LIM2: variants seen among roughly 807,000 people sequenced by gnomAD.
LIM2 encodes lens fiber membrane intrinsic protein.
Under a neutral mutation model 19.0 loss-of-function variants are expected in LIM2, and 14 were observed. The observed-to-expected ratio is 0.74, with a 90% CI of 0.49 to 1.15. LIM2 has a LOEUF of 1.15. LIM2 is among the 50% of genes most tolerant of loss of function. LIM2 has a pLI of 0.00. For synonymous variants in LIM2, 78 were observed against 89.6 expected, an observed-to-expected ratio of 0.87 and a Z score of 0.73; for missense variants, 230 against 243.5, an observed-to-expected ratio of 0.94 and a Z score of 0.37.
intron 2 of LIM2, 91 bp from the exon 3 acceptor site, chr19:51,382,658 C>G: frequency 1.3e-6 from 2 of 1,548,834 alleles, no homozygotes; most frequent in Non-Finnish European, 1.8e-6. Context: ...TTGCCCCTTT[C>G]CATATCCCTA....
At chr19:51,384,464 G>C (rs1046562564) in intron 2 of LIM2, among the ~76,000 whole-genome samples, 1 of 152,052 alleles carries the variant, frequency 6.6e-6, no homozygotes, top group Non-Finnish European at 1.5e-5. Flanking sequence ...AAAGACTGCC[G>C]TCCTTATAAA....
At position 51,380,023 on chromosome 19, in the gene LIM2, C is replaced by T; in HGVS notation, c.*178G>A. 1 of 651,788 alleles carries T rather than the reference C, an allele frequency of 1.5e-6. No homozygotes were observed. The allele number at this position is 651,788 out of a possible 1,614,324, so 40.4% of individuals were successfully genotyped here. On this transcript the variant is annotated 3_prime_UTR_variant, in exon 5 of 5. Transcript: ENST00000596399. ...AGTCTTCTCAGCTCCCTCCCATGGGCCCTATTCTTCCTCCTTCCAGCCTAG... is the reference window on the plus strand; with the variant it reads ...AGTCTTCTCAGCTCCCTCCCATGGGTCCTATTCTTCCTCCTTCCAGCCTAG...
At chr19:51,382,884 T>C (rs753801710) in intron 2 of LIM2, among the ~76,000 whole-genome samples, 1 of 152,102 alleles carries the variant, frequency 6.6e-6, no homozygotes, top group African/African-American at 2.4e-5. Context: ...GGGTTGGTTC[T>C]GTGTCATAAA....
chr19:51,387,808 G>A (rs927575567), intron 1 of LIM2, 111 bp downstream of exon 1: 1 of 323,066 alleles, frequency 3.1e-6, no homozygotes, highest in African/African-American at 2.1e-5. Flanking sequence ...GTAAGGAAGG[G>A]GCTAGGGGCT....
chr19:51,387,031 A>C, intron 2 of LIM2: 1 of 749,178 alleles, frequency 1.3e-6, no homozygotes, highest in South Asian at 1.5e-5. Flanking sequence ...ACACCTCTGA[A>C]GCGTCAGGAA....
chr19:51,380,460 C>T (rs1407127266), intron 4 of LIM2, 45 bp downstream of exon 4: 1 of 1,613,080 alleles, frequency 6.2e-7, no homozygotes, highest in East Asian at 2.2e-5. Context: ...ATCTGCTGCC[C>T]ACTCTGCCCC....
intron 2 of LIM2, among the ~76,000 whole-genome samples, chr19:51,383,027 CTTTTTTTTTT>C (rs1163859181): frequency 0.022 from 1,934 of 88,368 alleles, 42 homozygotes; most frequent in African/African-American, 0.081. Context: ...TTTTTCTTTT[CTTTTTTTTTT>C]TTTTTTTTTT....
chr19:51,385,507 G>A (rs1987014676), intron 2 of LIM2, among the ~76,000 whole-genome samples: 1 of 152,058 alleles, frequency 6.6e-6, no homozygotes, highest in African/African-American at 2.4e-5. Context: ...GGGTGACAGA[G>A]CGAGACTCTG....
chr19:51,387,034 G>A (rs546079763), intron 2 of LIM2: 18 of 760,750 alleles, frequency 2.4e-5, no homozygotes, highest in South Asian at 2.9e-5. Context: ...CCTCTGAAGC[G>A]TCAGGAAATG....
intron 2 of LIM2, among the ~76,000 whole-genome samples, chr19:51,383,785 G>A (rs1666039213): frequency 6.6e-6 from 1 of 152,154 alleles, no homozygotes; most frequent in African/African-American, 2.4e-5. Context: ...TTAGAAACAG[G>A]GCTGGAGTCA....
At chr19:51,384,905 C>T (rs1986992620) in intron 2 of LIM2, among the ~76,000 whole-genome samples, 1 of 152,110 alleles carries the variant, frequency 6.6e-6, no homozygotes, top group Non-Finnish European at 1.5e-5. Flanking sequence ...CTCTGTCACC[C>T]AGGCTGGAGT....
chr19:51,380,167 A>C lies in LIM2; in HGVS notation c.*34T>G. On this transcript the variant is annotated 3_prime_UTR_variant, in exon 5 of 5. Transcript: ENST00000596399. ...TCCTCCTCTTCAGTGGCCTCACTTT[A>C]ACTTCCAGATGAAGTTGGGGGACAC... is the stretch of plus-strand genomic sequence containing the variant. 1 of 1,607,784 alleles carries C rather than the reference A, an allele frequency of 6.2e-7. No individual in the cohort carries two copies. Among genetic ancestry groups the C allele is most frequent in the Non-Finnish European group, 8.5e-7 (1 of 1,175,224 alleles).
Position 51,380,595 on chromosome 19 carries a change from C to A in LIM2, c.370G>T (p.Val124Phe). 6 of 1,614,132 alleles carry A rather than the reference C, an allele frequency of 3.7e-6. No individual in the cohort carries two copies. Among genetic ancestry groups the A allele is most frequent in the Non-Finnish European group, 5.1e-6 (6 of 1,180,046 alleles). ...CCAAAGCGGCGGCCCAGGAAGCTGA[C>A]GGTGACTCCAGTGTAGATGGCCAAG... The part of the protein sequence containing the change: ...LALAIYTGVT[V>F]SFLGRRFGDW... The change falls in exon 4 of 5, where the codon GTC (valine) becomes TTC (phenylalanine). Residue 124 changes from valine to phenylalanine, a missense_variant. Coordinates refer to ENST00000596399, the MANE Select transcript of LIM2 (RefSeq NM_001161748.2).
chr19:51,387,539 GC>G, intron 1 of LIM2, 90 bp from the exon 2 acceptor site: 1 of 1,569,360 alleles, frequency 6.4e-7, no homozygotes, highest in Non-Finnish European at 8.6e-7. Context: ...GGAGTGGGAT[GC>G]CAAGTGCTTG....
intron 1 of LIM2, 30 bp from the exon 2 acceptor site, chr19:51,387,479 A>G: frequency 6.2e-7 from 1 of 1,612,090 alleles, no homozygotes; most frequent in Non-Finnish European, 8.5e-7. Flanking sequence ...TGGGATTGGG[A>G]GCTGAATTCC....
chr19:51,380,119 G>A lies in LIM2; in HGVS notation c.*82C>T. 7.5e-7 allele frequency: 1 copy of A among 1,334,202 alleles called. No homozygotes were observed. 82.6% of individuals were successfully genotyped at this position (1,334,202 alleles called of 1,614,324 possible). A position where few individuals can be genotyped will look rare whatever the true frequency, so the allele number is the denominator to read the frequency against. ...GCCCCCTCATTCCCCTAGGAACCAG[G>A]ATTTCAGGCCTCTAGACCCTCCTCC... On this transcript the variant is annotated 3_prime_UTR_variant, in exon 5 of 5. Transcript: ENST00000596399.
intron 2 of LIM2, among the ~76,000 whole-genome samples, chr19:51,385,776 C>T (rs1987023807): frequency 6.6e-6 from 1 of 152,234 alleles, no homozygotes; most frequent in Non-Finnish European, 1.5e-5. Flanking sequence ...TCACTTCTCC[C>T]TGCCTCAGTC....
intron 2 of LIM2, among the ~76,000 whole-genome samples, chr19:51,385,063 C>T (rs932086247): frequency 6.6e-5 from 10 of 151,618 alleles, no homozygotes; most frequent in African/African-American, 4.8e-5. Flanking sequence ...GGTCTCCTTA[C>T]GTTGCACAGG....
rs1435721793 is a variant in LIM2 at position 51,382,455 on chromosome 19, GGA to G, written c.286_287del (p.Ser96ProfsTer69). On this transcript the variant is annotated frameshift_variant, in exon 3 of 5. Coordinates refer to ENST00000596399, the MANE Select transcript of LIM2 (RefSeq NM_001161748.2). LOFTEE classifies it high-confidence loss of function. ...FAHQPTFSRI[S>X]RPFSAGIMFF... ...ACATGATGCCAGCAGAGAAGGGCCG[GGA>G]GATGCGGGAGAAGGTAGGCTGATGA... The G allele has an allele frequency of 6.2e-7, 1 of 1,613,876 alleles. No homozygotes were observed. The highest frequency in any genetic ancestry group is 8.5e-7 in the Non-Finnish European group (1 of 1,180,002).
Sources: allele counts gnomAD v4.1 joint callset (sites outside exome capture counted in the v4.1 genomes callset), GRCh38; gene constraint gnomAD v4.1.1; transcripts MANE v1.5; gene names NCBI Gene and HGNC (gene_info 2026-07-23, HGNC 2026-07-21).